Variants in LRP1B observed in about 807,000 individuals in gnomAD.
LRP1B encodes LDL receptor related protein 1B, also known as low-density lipoprotein receptor-related protein 1B.
In LRP1B, 217 loss-of-function variants were observed where a neutral mutation model predicts 556.6. That is an observed-to-expected ratio of 0.39 (90% confidence interval 0.35 to 0.44). The LOEUF is 0.44. Among genes scored for constraint, LRP1B ranks in the 20% least tolerant of loss-of-function variants. The probability of loss-of-function intolerance (pLI) is 1.00; values close to 1 mark genes in which losing one functional copy is unlikely to be tolerated. For synonymous variants in LRP1B, 2,047 were observed against 1,865.8 expected, an observed-to-expected ratio of 1.10 and a Z score of -2.50; for missense variants, 5,053 against 5,620.8, an observed-to-expected ratio of 0.90 and a Z score of 3.23.
chr2:141,248,588 G>A (rs954315220), intron 4 of LRP1B, among the ~76,000 whole-genome samples: 10 of 152,134 alleles, frequency 6.6e-5, no homozygotes, highest in African/African-American at 2.4e-4. Flanking sequence ...GAAGCATAAG[G>A]AGTCAAATGA....
chr2:141,031,258 C>T (rs952048816), intron 11 of LRP1B, among the ~76,000 whole-genome samples: 4 of 76,922 alleles, frequency 5.2e-5, no homozygotes, highest in African/African-American at 1.7e-4. Flanking sequence ...ATATCACACA[C>T]ACACACACAC....
At chr2:141,043,881 G>GTGGATCA in intron 11 of LRP1B, among the ~76,000 whole-genome samples, 1 of 151,876 alleles carries the variant, frequency 6.6e-6, no homozygotes, top group South Asian at 2.1e-4. Context: ...TCCCCATCAA[G>GTGGATCA]CTACCAACGC....
intron 35 of LRP1B, among the ~76,000 whole-genome samples, chr2:140,743,978 AAAAAAAAAAAAAAGT>A (rs1414720405): frequency 1.4e-4 from 6 of 42,722 alleles, no homozygotes; most frequent in East Asian, 1.2e-3. Flanking sequence ...AAAAAAAAAA[AAAAAAAAAAAAAAGT>A]AAAAAGTAAA....
At chr2:141,790,997 T>C (rs1189795662) in intron 2 of LRP1B, among the ~76,000 whole-genome samples, 2 of 152,040 alleles carry the variant, frequency 1.3e-5, no homozygotes, top group African/African-American at 4.8e-5. Flanking sequence ...GTAAATTTTC[T>C]GAACCCCATC....
chr2:140,778,879 T>C (rs563972506), intron 32 of LRP1B, among the ~76,000 whole-genome samples: 45 of 152,158 alleles, frequency 3.0e-4, no homozygotes, highest in Non-Finnish European at 6.0e-4. Flanking sequence ...TTGTAAAATA[T>C]AGACCATTGC....
At chr2:141,355,212 A>C (rs770553081) in intron 3 of LRP1B, among the ~76,000 whole-genome samples, 20 of 152,280 alleles carry the variant, frequency 1.3e-4, no homozygotes, top group South Asian at 4.1e-4. Flanking sequence ...TTTGTCATCT[A>C]TATGAACTAA....
intron 43 of LRP1B, among the ~76,000 whole-genome samples, chr2:140,584,488 T>C (rs1440685476): frequency 6.6e-6 from 1 of 151,966 alleles, no homozygotes; most frequent in Non-Finnish European, 1.5e-5. Context: ...GTAGGAGAGG[T>C]GGCTGCTGGC....
At position 141,821,677 on chromosome 2, in the gene LRP1B, CA is replaced by C. The variant is rs201267226; in HGVS notation, c.83-11277del. ...ACAAAAATATGATAATGTCCTTCAC[CA>C]AAAAAATTATAAGTAATAGTATATT... On this transcript the variant is annotated intron_variant, in intron 1 of 90. Coordinates refer to ENST00000389484, the MANE Select transcript of LRP1B (RefSeq NM_018557.3). Among the ~76,000 whole-genome samples the C allele has an allele frequency of 2.2e-3, 339 of 151,746 alleles. 2 individuals are homozygous for C. The highest frequency in any genetic ancestry group is 7.9e-3 in the African/African-American group (328 of 41,388).
intron 20 of LRP1B, among the ~76,000 whole-genome samples, chr2:140,929,754 A>ACT (rs1163781038): frequency 3.5e-5 from 4 of 115,676 alleles, no homozygotes; most frequent in African/African-American, 1.4e-4. Context: ...AGTCATATAG[A>ACT]CTCACACACA....
chr2:141,224,911 C>T (rs1462792885), intron 6 of LRP1B, among the ~76,000 whole-genome samples: 1 of 152,064 alleles, frequency 6.6e-6, no homozygotes, highest in Admixed American at 6.6e-5. Context: ...CAGCAAACCA[C>T]CGCAGTACAT....
At chr2:141,099,932 C>T (rs1486328141) in intron 7 of LRP1B, among the ~76,000 whole-genome samples, 1 of 152,102 alleles carries the variant, frequency 6.6e-6, no homozygotes, top group Non-Finnish European at 1.5e-5. Flanking sequence ...ACATTCTGAA[C>T]CCTGAATGGG....
At chr2:141,791,738 CACA>C (rs1375935167) in intron 2 of LRP1B, among the ~76,000 whole-genome samples, 5 of 152,026 alleles carry the variant, frequency 3.3e-5, no homozygotes, top group African/African-American at 1.2e-4. Flanking sequence ...GTACAACACT[CACA>C]ACAATTTGCA....
chr2:142,091,623 T>C (rs543895797), intron 1 of LRP1B, among the ~76,000 whole-genome samples: 1 of 152,270 alleles, frequency 6.6e-6, no homozygotes. Context: ...AAAACCCCTA[T>C]TAGTTAATTC....
chr2:141,998,141 T>C (rs1028831540), intron 1 of LRP1B, among the ~76,000 whole-genome samples: 1 of 152,170 alleles, frequency 6.6e-6, no homozygotes. Context: ...CAGGATTTAG[T>C]GTGGGCTTCA....
intron 5 of LRP1B, among the ~76,000 whole-genome samples, chr2:141,236,720 A>G (rs1434996554): frequency 6.6e-6 from 1 of 152,118 alleles, no homozygotes; most frequent in Non-Finnish European, 1.5e-5. Flanking sequence ...TCAAATCTAG[A>G]GTAAAGTTGG....
intron 3 of LRP1B, among the ~76,000 whole-genome samples, chr2:141,467,122 ATC>A (rs1330292241): frequency 0.11 from 359 of 3,174 alleles, 18 homozygotes; most frequent in African/African-American, 0.16. Context: ...ATATATATAT[ATC>A]TATATATATA....
At chr2:140,623,605 G>T (rs2105257212) in intron 41 of LRP1B, among the ~76,000 whole-genome samples, 1 of 152,020 alleles carries the variant, frequency 6.6e-6, no homozygotes, top group Non-Finnish European at 1.5e-5. Flanking sequence ...AAGAACCTAT[G>T]GTTTTATTTT....
intron 2 of LRP1B, among the ~76,000 whole-genome samples, chr2:141,527,742 T>C (rs995761426): frequency 1.2e-4 from 18 of 152,122 alleles, no homozygotes; most frequent in African/African-American, 4.1e-4. Flanking sequence ...TTCCAGGTAA[T>C]TGAAATGGAT....
intron 56 of LRP1B, 77 bp from the exon 57 acceptor site, chr2:140,492,770 A>G: frequency 9.7e-7 from 1 of 1,035,010 alleles, no homozygotes; most frequent in Non-Finnish European, 1.5e-6. Context: ...AGTTTAGTTT[A>G]GCAGCAATGT....
Sources: gnomAD v4.1 joint callset for allele counts (sites outside exome capture counted in the v4.1 genomes callset) on GRCh38, gnomAD v4.1.1 for gene constraint, MANE v1.5 for transcripts, NCBI Gene and HGNC (gene_info 2026-07-23, HGNC 2026-07-21) for gene names.